Variants in LOC400499 observed in about 807,000 individuals in gnomAD.
At chr16:11,465,909 A>G in the LOC400499 span, among the ~76,000 whole-genome samples, 1 of 152,054 alleles carries the variant, frequency 6.6e-6, no homozygotes, top group East Asian at 1.9e-4. Flanking sequence ...GAAAAGGAAG[A>G]AAGGAAGAAA....
chr16:11,448,880 C>T, the LOC400499 span: 27 of 1,386,658 alleles, frequency 1.9e-5, no homozygotes, highest in South Asian at 2.5e-4. Flanking sequence ...GTGAGGGATT[C>T]GGTGGTCTCT....
the LOC400499 span, among the ~76,000 whole-genome samples, chr16:11,385,653 A>C: frequency 6.6e-6 from 1 of 152,252 alleles, no homozygotes; most frequent in Non-Finnish European, 1.5e-5. Context: ...AGGAGTCCTG[A>C]GACCTGCTAC....
chr16:11,392,741 GTTT>G, the LOC400499 span: 1 of 953,974 alleles, frequency 1.0e-6, no homozygotes, highest in African/African-American at 1.8e-5. Flanking sequence ...GTTTCCTGAG[GTTT>G]TTTTTTGAGA....
the LOC400499 span, among the ~76,000 whole-genome samples, chr16:11,428,806 T>C: frequency 6.6e-6 from 1 of 151,992 alleles, no homozygotes; most frequent in Non-Finnish European, 1.5e-5. Flanking sequence ...CTCTGACAGA[T>C]GGAGAGTGGA....
chr16:11,515,768 G>C, the LOC400499 span, among the ~76,000 whole-genome samples: 1 of 151,232 alleles, frequency 6.6e-6, no homozygotes, highest in South Asian at 2.1e-4. Flanking sequence ...AGGAGAAAAA[G>C]GGAGGAGGAG....
At chr16:11,523,048 T>C in the LOC400499 span, among the ~76,000 whole-genome samples, 2 of 152,240 alleles carry the variant, frequency 1.3e-5, no homozygotes, top group African/African-American at 4.8e-5. Flanking sequence ...CTCATATTCC[T>C]AAGATGCTTC....
chr16:11,488,910 G>A, the LOC400499 span: 1,471 of 398,632 alleles, frequency 3.7e-3, 23 homozygotes, highest in African/African-American at 0.028. Context: ...CGTGAGGAAA[G>A]GGCCAGGAGC....
the LOC400499 span, chr16:11,473,211 T>A: frequency 1.3e-5 from 2 of 151,924 alleles, no homozygotes; most frequent in Admixed American, 6.6e-5. Flanking sequence ...TCTAAAATTT[T>A]TTTCTGTATT....
At chr16:11,497,289 G>T in the LOC400499 span, among the ~76,000 whole-genome samples, 5 of 152,198 alleles carry the variant, frequency 3.3e-5, no homozygotes, top group African/African-American at 1.2e-4. Flanking sequence ...TTTTCTTTGT[G>T]AAAGGACAGG....
At chr16:11,471,009 A>C in the LOC400499 span, among the ~76,000 whole-genome samples, 694 of 152,324 alleles carry the variant, frequency 4.6e-3, 3 homozygotes, top group African/African-American at 0.015. Flanking sequence ...TCAGGGAAGG[A>C]GGCCAGCAGG....
At chr16:11,490,672 G>A in the LOC400499 span, among the ~76,000 whole-genome samples, 1 of 152,214 alleles carries the variant, frequency 6.6e-6, no homozygotes, top group Non-Finnish European at 1.5e-5. Context: ...CTGCACTCCA[G>A]GCTGGGTGAC....
chr16:11,471,973 T>G, the LOC400499 span: 6 of 397,022 alleles, frequency 1.5e-5, no homozygotes, highest in African/African-American at 1.2e-4. Context: ...GGCAGTGGTG[T>G]GTAGACCAGG....
the LOC400499 span, among the ~76,000 whole-genome samples, chr16:11,502,574 T>A: frequency 6.6e-6 from 1 of 152,022 alleles, no homozygotes; most frequent in Non-Finnish European, 1.5e-5. Context: ...ATATTTCAAA[T>A]ATTTAGCGAG....
At chr16:11,457,206 T>G in the LOC400499 span, 1 of 616,824 alleles carries the variant, frequency 1.6e-6, no homozygotes, top group South Asian at 2.1e-5. Context: ...GGAGCGTTGG[T>G]AAGGATGTGG....
At chr16:11,491,970 G>A in the LOC400499 span, 4 of 394,832 alleles carry the variant, frequency 1.0e-5, no homozygotes, top group Non-Finnish European at 1.8e-5. Context: ...CCCTACTGCG[G>A]GAGGCTTCCC....
At chr16:11,464,543 C>T in the LOC400499 span, among the ~76,000 whole-genome samples, 1 of 152,234 alleles carries the variant, frequency 6.6e-6, no homozygotes, top group Admixed American at 6.5e-5. Flanking sequence ...ACATTCTTCC[C>T]TAAACCAACC....
the LOC400499 span, among the ~76,000 whole-genome samples, chr16:11,455,805 GTATAAACTTTAATCAACTTT>G: frequency 2.3e-4 from 34 of 150,920 alleles, no homozygotes; most frequent in East Asian, 5.2e-3. Flanking sequence ...CAAAGAGGAT[GTATAAACTTTAATCAACTTT>G]TATAAACTTT....
the LOC400499 span, among the ~76,000 whole-genome samples, chr16:11,409,592 G>A: frequency 3.3e-5 from 5 of 152,180 alleles, no homozygotes; most frequent in Admixed American, 6.5e-5. Context: ...CGAATGCTGC[G>A]TGATCTTGGC....
the LOC400499 span, among the ~76,000 whole-genome samples, chr16:11,409,982 G>C: frequency 6.6e-6 from 1 of 152,100 alleles, no homozygotes; most frequent in Non-Finnish European, 1.5e-5. Flanking sequence ...AAAAAACTAA[G>C]AAGCTCCCGG....
Sources: gnomAD v4.1 joint callset for allele counts (sites outside exome capture counted in the v4.1 genomes callset) on GRCh38, gnomAD v4.1.1 for gene constraint, MANE v1.5 for transcripts.